EPSTI1: variants seen among roughly 807,000 people sequenced by gnomAD.
The protein encoded by EPSTI1 is epithelial-stromal interaction protein 1.
A neutral mutation model predicts 49.9 loss-of-function variants in EPSTI1; 66 were observed. The observed-to-expected ratio is 1.32, with a 90% CI of 1.08 to 1.62. The LOEUF is 1.62. Ranked by LOEUF, EPSTI1 falls within the 40% of genes most tolerant of loss-of-function variation. EPSTI1 has a pLI of 0.00. For synonymous variants in EPSTI1, 137 were observed against 130.7 expected (o/e 1.05, Z -0.33); for missense variants, 394 against 365.5 (o/e 1.08, Z -0.64).
At position 42,986,531 on chromosome 13, in the gene EPSTI1, T is replaced by G. The variant is rs527764922; in HGVS notation, c.188+5447A>C. On this transcript the variant is annotated intron_variant, in intron 1 of 10. Coordinates refer to ENST00000313624, the MANE Select transcript of EPSTI1 (RefSeq NM_033255.5). ...AGGTCGAGGTGGGTGGATCACAAGG[T>G]CAGGAGTTCGAGACCAGCCTGGCCA... 2.0e-5 allele frequency among the ~76,000 whole-genome samples: 3 copies of G among 152,052 alleles called. No individual in the cohort carries two copies. The East Asian group carries it at 5.8e-4, about 29-fold the overall frequency.
intron 6 of EPSTI1, among the ~76,000 whole-genome samples, chr13:42,927,079 T>C (rs1594662293): frequency 6.6e-6 from 1 of 152,026 alleles, no homozygotes; most frequent in South Asian, 2.1e-4. Context: ...ATAGGGTTTA[T>C]CTATAGAGGT....
At position 42,887,107 on chromosome 13, in the gene EPSTI1, C is replaced by T. The variant is rs1441116834; in HGVS notation, c.*1387G>A. On this transcript the variant is annotated 3_prime_UTR_variant, in exon 11 of 11. Coordinates refer to ENST00000313624, the MANE Select transcript of EPSTI1 (RefSeq NM_033255.5). ...AGTTTGGTGATATTTCCAACACAGG[C>T]TGGGGGATTGAGTTTCCCCCATATA... The T allele has an allele frequency of 6.6e-6, 1 of 152,194 alleles. No homozygotes were observed. The highest frequency in any genetic ancestry group is 1.9e-4 in the East Asian group (1 of 5,202). 9.4% of individuals were successfully genotyped at this position (152,194 alleles called of 1,614,324 possible).
chr13:42,936,256 CTT>C (rs1566134370), intron 6 of EPSTI1, among the ~76,000 whole-genome samples: 1 of 152,138 alleles, frequency 6.6e-6, no homozygotes, highest in Non-Finnish European at 1.5e-5. Flanking sequence ...TTTAAGAAAA[CTT>C]TTGATTCCGC....
At chr13:42,971,344 C>G (rs2039762692) in intron 1 of EPSTI1, among the ~76,000 whole-genome samples, 2 of 152,266 alleles carry the variant, frequency 1.3e-5, no homozygotes, top group African/African-American at 4.8e-5. Flanking sequence ...GATGTGTATT[C>G]CAAGCCCCTG....
At chr13:42,914,805 C>T (rs1279518892) in intron 8 of EPSTI1, among the ~76,000 whole-genome samples, 1 of 152,040 alleles carries the variant, frequency 6.6e-6, no homozygotes, top group East Asian at 1.9e-4. Context: ...CTGTCACCAA[C>T]TGTGGCATAT....
In EPSTI1 at chr13:42,992,149, C is replaced by T; in HGVS notation, c.17G>A (p.Arg6Lys). ...GGCGCCGAGCCCGGAGTTCACCACT[C>T]TATTGCGGGTGTTCATGGTTCACAG... MNTRNRVVNSGLGASP... is the reference protein window; with the variant it reads MNTRNKVVNSGLGASP... The change falls in exon 1 of 11, where the codon AGA (arginine) becomes AAA (lysine). Residue 6 changes from arginine to lysine, a missense_variant. Physicochemically the swap from Arg to Lys is conservative, Grantham distance 26. Transcript: ENST00000313624. 2 of 1,586,004 alleles carry T rather than the reference C, an allele frequency of 1.3e-6. No homozygotes were observed. Among genetic ancestry groups the T allele is most frequent in the Non-Finnish European group, 1.7e-6 (2 of 1,167,858 alleles).
rs528761770 is a variant in EPSTI1, at chr13:42,887,601, C to T, written c.*893G>A. The T allele has an allele frequency of 3.3e-5, 5 of 152,212 alleles. No homozygotes were observed. The highest frequency in any genetic ancestry group is 2.1e-4 in the South Asian group (1 of 4,814). The allele number at this position is 152,212 out of a possible 1,614,324, so 9.4% of individuals were successfully genotyped here. On this transcript the variant is annotated 3_prime_UTR_variant, in exon 11 of 11. Coordinates refer to ENST00000313624, the MANE Select transcript of EPSTI1 (RefSeq NM_033255.5). ...AGAGGGATTGAGCTAGATTACACAG[C>T]GTAGAAAATCAATGCTCTTACACTC...
intron 1 of EPSTI1, among the ~76,000 whole-genome samples, chr13:42,974,743 A>T (rs1426394878): frequency 6.6e-6 from 1 of 152,206 alleles, no homozygotes; most frequent in Non-Finnish European, 1.5e-5. Context: ...CAATTTTTAT[A>T]ACTTTTTATC....
At chr13:42,944,984 T>C (rs2038875866) in intron 6 of EPSTI1, among the ~76,000 whole-genome samples, 1 of 152,222 alleles carries the variant, frequency 6.6e-6, no homozygotes, top group Non-Finnish European at 1.5e-5. Flanking sequence ...CACCTCATCA[T>C]AGACCTACCC....
intron 6 of EPSTI1, among the ~76,000 whole-genome samples, chr13:42,930,500 G>A (rs1248325818): frequency 6.6e-6 from 1 of 152,122 alleles, no homozygotes; most frequent in African/African-American, 2.4e-5. Flanking sequence ...AATCTATTGG[G>A]ATACACAAAA....
At chr13:42,953,420 A>G (rs2039162473) in intron 6 of EPSTI1, among the ~76,000 whole-genome samples, 1 of 152,240 alleles carries the variant, frequency 6.6e-6, no homozygotes, top group South Asian at 2.1e-4. Flanking sequence ...GTTATAAAGC[A>G]TGTAGTAGTT....
chr13:42,920,900 CA>C (rs2037973298), intron 7 of EPSTI1, among the ~76,000 whole-genome samples: 1 of 152,180 alleles, frequency 6.6e-6, no homozygotes, highest in East Asian at 1.9e-4. Context: ...AGTTTGGAGA[CA>C]TTTTTTTAAA....
intron 5 of EPSTI1, among the ~76,000 whole-genome samples, chr13:42,960,016 A>C (rs2039398281): frequency 1.4e-5 from 1 of 69,112 alleles, no homozygotes; most frequent in South Asian, 5.1e-4. Flanking sequence ...GATGACTTAA[A>C]GCATACAAAG....
chr13:42,923,559 T>C (rs2038084535), intron 7 of EPSTI1, among the ~76,000 whole-genome samples: 1 of 152,074 alleles, frequency 6.6e-6, no homozygotes, highest in African/African-American at 2.4e-5. Flanking sequence ...AGACCCTGTC[T>C]AAAAATAAAT....
intron 10 of EPSTI1, among the ~76,000 whole-genome samples, chr13:42,894,693 A>C (rs2037137703): frequency 9.6e-6 from 1 of 104,388 alleles, no homozygotes; most frequent in Non-Finnish European, 2.1e-5. Flanking sequence ...AAAAAAAAAA[A>C]CGTTCATTTG....
rs536580535 is a variant in EPSTI1, at chr13:42,989,976, G to A, written c.188+2002C>T. ...CTTCTTTATTTTGGGGCAGCGGGTA[G>A]GCAGCTAATTCTACTGAGATATTTG... On this transcript the variant is annotated intron_variant, in intron 1 of 10. Coordinates refer to ENST00000313624, the MANE Select transcript of EPSTI1 (RefSeq NM_033255.5). 2.6e-5 allele frequency among the ~76,000 whole-genome samples: 4 copies of A among 152,020 alleles called. No homozygotes were observed. In the South Asian group the frequency reaches 6.2e-4, roughly 24 times the overall value.
chr13:42,951,148 C>G (rs1197204014), intron 6 of EPSTI1, among the ~76,000 whole-genome samples: 1 of 150,484 alleles, frequency 6.6e-6, no homozygotes, highest in Admixed American at 6.8e-5. Context: ...CAGAGCAAGA[C>G]TCCATTTCCA....
Position 42,906,827 on chromosome 13 carries a change from CCTTA to C in EPSTI1, c.742-6448_742-6445del, listed in dbSNP as rs1266726411. 2.6e-5 allele frequency among the ~76,000 whole-genome samples: 4 copies of C among 152,088 alleles called. No individual in the cohort carries two copies. In the East Asian group the frequency reaches 7.7e-4, roughly 29 times the overall value. ...ATAACACAAGTAATGTACACTCTCCCCTTACTATTGTTTTTAATTTTTAATTTTT... is the reference window on the plus strand; with the variant it reads ...ATAACACAAGTAATGTACACTCTCCCCTATTGTTTTTAATTTTTAATTTTT... On this transcript the variant is annotated intron_variant, in intron 8 of 10. Transcript: ENST00000313624.
intron 6 of EPSTI1, among the ~76,000 whole-genome samples, chr13:42,929,693 C>T (rs1323271844): frequency 6.6e-6 from 1 of 152,174 alleles, no homozygotes; most frequent in Non-Finnish European, 1.5e-5. Flanking sequence ...GGTGGAGGGA[C>T]AGCTAGCTGT....
Sources: allele counts gnomAD v4.1 joint callset (sites outside exome capture counted in the v4.1 genomes callset), GRCh38; gene constraint gnomAD v4.1.1; transcripts MANE v1.5; gene names NCBI Gene and HGNC (gene_info 2026-07-23, HGNC 2026-07-21).